The following GFAP variants were observed in gnomAD, a reference collection of about 807,000 sequenced individuals.
GFAP encodes intermediate filament protein.
A neutral mutation model predicts 49.3 loss-of-function variants in GFAP; 38 were observed. That is an observed-to-expected ratio of 0.77 (90% confidence interval 0.60 to 1.01). The LOEUF (loss-of-function observed/expected upper bound fraction) is 1.01, where lower values mean the gene tolerates loss of function less well. Among genes scored for constraint, GFAP ranks in the 50% least tolerant of loss-of-function variants. GFAP has a pLI of 0.00. For missense variants in GFAP, 463 were observed against 579.1 expected (o/e 0.80, Z 2.06); for synonymous variants, 222 against 236.4 (o/e 0.94, Z 0.56).
intron 3 of GFAP, 84 bp from the exon 4 acceptor site, chr17:44,913,514 C>T (rs2051824042): frequency 1.4e-6 from 2 of 1,452,034 alleles, no homozygotes; most frequent in South Asian, 2.3e-5. Flanking sequence ...CCTCTTCTGC[C>T]TGCCCCTCGG....
intron 1 of GFAP, 78 bp downstream of exon 1, chr17:44,914,948 T>C: frequency 7.4e-7 from 1 of 1,346,932 alleles, no homozygotes; most frequent in Non-Finnish European, 1.0e-6. Context: ...GGCCCCTCCC[T>C]GAGACTTCTC....
chr17:44,913,486 TTCC>T, intron 3 of GFAP, 56 bp from the exon 4 acceptor site: 1 of 1,575,704 alleles, frequency 6.3e-7, no homozygotes. Flanking sequence ...ACAGCTGGGG[TTCC>T]CCACGCCATT....
chr17:44,903,656 G>A lies in GFAP; in HGVS notation c.*3691C>T. 16 of 1,433,552 alleles carry A rather than the reference G, an allele frequency of 1.1e-5. No individual in the cohort carries two copies. Among genetic ancestry groups the A allele is most frequent in the Non-Finnish European group, 1.5e-5 (16 of 1,100,006 alleles). 88.8% of individuals were successfully genotyped at this position (1,433,552 alleles called of 1,614,324 possible). On this transcript the variant is annotated 3_prime_UTR_variant, in exon 9 of 9. Transcript: ENST00000588735. ...TAGAAGGGCATCTTGTACATCCACT[G>A]GGAATAAATTGCCTTGCACTTGGCG...
At chr17:44,914,770 T>G in intron 1 of GFAP, 2 of 559,528 alleles carry the variant, frequency 3.6e-6, no homozygotes, top group Non-Finnish European at 6.4e-6. Flanking sequence ...GCTCCTGCAC[T>G]GCTTTCCCCA....
chr17:44,905,093 A>T lies in GFAP; in HGVS notation c.*2254T>A. On this transcript the variant is annotated 3_prime_UTR_variant, in exon 9 of 9. Coordinates refer to ENST00000588735, the MANE Select transcript of GFAP (RefSeq NM_002055.5). ...CTAGGAGCTCTCTTCAGCTCTGAAG[A>T]CCAGTTGTCCTTCAATGTGTTTGTT... The T allele has an allele frequency of 6.7e-7, 1 of 1,494,342 alleles. No individual in the cohort carries two copies. Among genetic ancestry groups the T allele is most frequent in the Non-Finnish European group, 9.0e-7 (1 of 1,109,262 alleles). The allele number at this position is 1,494,342 out of a possible 1,614,324, so 92.6% of individuals were successfully genotyped here. A position where few individuals can be genotyped will look rare whatever the true frequency, so the allele number is the denominator to read the frequency against.
chr17:44,910,248 G>GTGCTTTT, intron 7 of GFAP: 1 of 1,613,962 alleles, frequency 6.2e-7, no homozygotes, highest in Non-Finnish European at 8.5e-7. Context: ...CCCGTCTTTG[G>GTGCTTTT]TGCTTTTGCC....
chr17:44,904,807 C>T lies in GFAP; in HGVS notation c.*2540G>A, dbSNP rs1363231946. 11 of 1,550,702 alleles carry T rather than the reference C, an allele frequency of 7.1e-6. No homozygotes were observed. Among genetic ancestry groups the T allele is most frequent in the Middle Eastern group, 1.7e-4 (1 of 5,992 alleles). Reference sequence around the variant, plus strand: ...GGTCCATGAGGGTGTTCATTGACCACGGCAACCAGCTCCACATCCGCTTCA... The same window carrying T: ...GGTCCATGAGGGTGTTCATTGACCATGGCAACCAGCTCCACATCCGCTTCA... On this transcript the variant is annotated 3_prime_UTR_variant, in exon 9 of 9. Transcript: ENST00000588735.
At position 44,903,365 on chromosome 17, in the gene GFAP, C is replaced by G; in HGVS notation, c.*3982G>C. The G allele has an allele frequency of 1.3e-5, 16 of 1,249,372 alleles. No homozygotes were observed. Among genetic ancestry groups the G allele is most frequent in the Non-Finnish European group, 1.6e-5 (16 of 998,234 alleles). The allele number at this position is 1,249,372 out of a possible 1,614,324, so 77.4% of individuals were successfully genotyped here. ...AAAGTCCCAAGCCATCAGCTCAGGT[C>G]CAGCCAGCCTCCCGGATGGCCAGAT... is the stretch of plus-strand genomic sequence containing the variant. On this transcript the variant is annotated 3_prime_UTR_variant, in exon 9 of 9. Coordinates refer to ENST00000588735, the MANE Select transcript of GFAP (RefSeq NM_002055.5).
At chr17:44,907,496 T>A in intron 8 of GFAP, 108 bp from the exon 9 acceptor site, 2 of 777,552 alleles carry the variant, frequency 2.6e-6, no homozygotes, top group Non-Finnish European at 4.6e-6. Flanking sequence ...ACTTCCCAGG[T>A]CTTACTTTTC....
chr17:44,903,689 C>T lies in GFAP; in HGVS notation c.*3658G>A. ...ATTGCCTTGCACTTGGCGGCTTCCT[C>T]TGCAGATTGTTGCTGCTTTTCCTGG... On this transcript the variant is annotated 3_prime_UTR_variant, in exon 9 of 9. Coordinates refer to ENST00000588735, the MANE Select transcript of GFAP (RefSeq NM_002055.5). 1 of 1,437,778 alleles carries T rather than the reference C, an allele frequency of 7.0e-7. No individual in the cohort carries two copies. Among genetic ancestry groups the T allele is most frequent in the Non-Finnish European group, 9.1e-7 (1 of 1,101,630 alleles). The allele number at this position is 1,437,778 out of a possible 1,614,324, so 89.1% of individuals were successfully genotyped here.
In GFAP at chr17:44,904,827, G is replaced by T; in HGVS notation, c.*2520C>A. The T allele has an allele frequency of 1.3e-6, 2 of 1,550,674 alleles. No individual in the cohort carries two copies. The highest frequency in any genetic ancestry group is 1.7e-6 in the Non-Finnish European group (2 of 1,147,008). On this transcript the variant is annotated 3_prime_UTR_variant, in exon 9 of 9. Transcript: ENST00000588735. ...GACCACGGCAACCAGCTCCACATCC[G>T]CTTCACCCAGCTGGATGACCGGGGC...
At chr17:44,908,916 A>C (rs1174080154) in intron 7 of GFAP, 1 of 147,230 alleles carries the variant, frequency 6.8e-6, no homozygotes, top group African/African-American at 2.6e-5. Context: ...GAAGGAAGGA[A>C]GGAAGGAAGA....
chr17:44,911,955 C>T (rs979223580), intron 4 of GFAP, among the ~76,000 whole-genome samples, 158 bp from the exon 5 acceptor site: 1 of 152,112 alleles, frequency 6.6e-6, no homozygotes, highest in African/African-American at 2.4e-5. Context: ...GGCAGGGTAG[C>T]GGGCTGCCAG....
At position 44,915,383 on chromosome 17, in the gene GFAP, G is replaced by T. The variant is rs1376759037; in HGVS notation, c.104C>A (p.Thr35Asn). Reference sequence around the variant, plus strand: ...GGGCATTCGAGCCAGGGAGAGGCGGGTGCCAGGACCCAGACGGCGGCCAGG... The same window carrying T: ...GGGCATTCGAGCCAGGGAGAGGCGGTTGCCAGGACCCAGACGGCGGCCAGG... ...LAPGRRLGPG[T>N]RLSLARMPPP... Residue 35 changes from threonine (T) to asparagine (N), a missense_variant, in exon 1 of 9, where the codon ACC (threonine) becomes AAC (asparagine). By Grantham distance (65) the Thr-to-Asn change is moderately conservative. Transcript: ENST00000588735. The surrounding 1 kb of genome is among the most constrained non-coding windows in gnomAD (Gnocchi z 4.1). 1 of 1,608,662 alleles carries T rather than the reference G, an allele frequency of 6.2e-7. No homozygotes were observed. Among genetic ancestry groups the T allele is most frequent in the South Asian group, 1.1e-5 (1 of 90,832 alleles).
Position 44,908,054 on chromosome 17 carries a change from C to T in GFAP, c.1257+10G>A. 1.3e-6 allele frequency: 2 copies of T among 1,592,506 alleles called. No individual in the cohort carries two copies. The highest frequency in any genetic ancestry group is 1.7e-6 in the Non-Finnish European group (2 of 1,160,546). ...AGCCAGAGCCTGACTGGGCCCAAAT[C>T]CCTCCTTACCTCTCCATCCCGCATC... On this transcript the variant is annotated intron_variant, in intron 8 of 8. Coordinates refer to ENST00000588735, the MANE Select transcript of GFAP (RefSeq NM_002055.5).
rs982569737 is a variant in GFAP, at chr17:44,914,735, A to G, written c.461+291T>C. 3.7e-5 allele frequency: 18 copies of G among 489,420 alleles called. 1 individual carries two copies. The highest frequency in any genetic ancestry group is 1.7e-4 in the African/African-American group (9 of 51,444). 30.3% of individuals were successfully genotyped at this position (489,420 alleles called of 1,614,324 possible). On this transcript the variant is annotated intron_variant, in intron 1 of 8. Coordinates refer to ENST00000588735, the MANE Select transcript of GFAP (RefSeq NM_002055.5). ...CTGCCCACAGTCACAAAGCCCAGCC[A>G]TGAATGAAACACAGGGGCCCCGCTG...
rs1324277907 is a variant in GFAP, at chr17:44,915,403, G to T, written c.84C>A (p.Gly28=). The T allele has an allele frequency of 6.2e-7, 1 of 1,606,518 alleles. No homozygotes were observed. The change falls in exon 1 of 9, where the codon GGC becomes GGA. Residue 28 remains glycine (G), a synonymous_variant. Coordinates refer to ENST00000588735, the MANE Select transcript of GFAP (RefSeq NM_002055.5). This position sits in a 1 kb window ranked among gnomAD's most constrained non-coding sequence, Gnocchi z 4.1. ...GEMMVGGLAP[G]RRLGPGTRLS... ...GGCGGGTGCCAGGACCCAGACGGCGGCCAGGAGCCAGGCCCCCCACCATCA... is the reference window on the plus strand; with the variant it reads ...GGCGGGTGCCAGGACCCAGACGGCGTCCAGGAGCCAGGCCCCCCACCATCA...
rs1003922916 is a variant in GFAP at position 44,904,157 on chromosome 17, T to C, written c.*3190A>G. 33 of 1,550,240 alleles carry C rather than the reference T, an allele frequency of 2.1e-5. No homozygotes were observed. The highest frequency in any genetic ancestry group is 2.7e-5 in the Non-Finnish European group (31 of 1,146,776). ...CCGCTTCAGCATCCGCATGTTCAGC[T>C]TGTTGGTTTTCAGGGCTCAGTCTGA... On this transcript the variant is annotated 3_prime_UTR_variant, in exon 9 of 9. Coordinates refer to ENST00000588735, the MANE Select transcript of GFAP (RefSeq NM_002055.5).
chr17:44,914,369 A>G (rs2051857246), intron 1 of GFAP: 2 of 450,038 alleles, frequency 4.4e-6, no homozygotes, highest in Non-Finnish European at 4.0e-6. Flanking sequence ...ACTGTTGCAC[A>G]CACACACACA....
Sources: gnomAD v4.1 joint callset for allele counts (sites outside exome capture counted in the v4.1 genomes callset) on GRCh38, gnomAD v4.1.1 for gene constraint, Gnocchi (gnomAD v3.1) non-coding constraint, MANE v1.5 for transcripts, NCBI Gene and HGNC (gene_info 2026-07-23, HGNC 2026-07-21) for gene names.